Variants in ARHGEF4 observed in about 807,000 individuals in gnomAD.
The protein encoded by ARHGEF4 is Rho guanine nucleotide exchange factor 4.
A neutral mutation model predicts 162.0 loss-of-function variants in ARHGEF4; 119 were observed. The ratio of observed to expected loss-of-function variants is 0.73; its 90% CI spans 0.63 to 0.86. ARHGEF4 has a LOEUF of 0.86. ARHGEF4 is among the 40% of genes least tolerant of loss of function. The pLI, the probability that ARHGEF4 is intolerant of heterozygous loss-of-function variation, is 0.00. For missense variants in ARHGEF4, 2,488 were observed against 2,456.0 expected, an observed-to-expected ratio of 1.01 and a Z score of -0.28; for synonymous variants, 1,014 against 979.9, an observed-to-expected ratio of 1.03 and a Z score of -0.65.
chr2:130,965,149 C>T (rs1472288057), intron 4 of ARHGEF4, among the ~76,000 whole-genome samples: 2 of 152,152 alleles, frequency 1.3e-5, no homozygotes, highest in Non-Finnish European at 2.9e-5. Flanking sequence ...CAGGGCCTCA[C>T]GTAGGTGTGG....
chr2:130,933,214 CAAA>C (rs34411956), intron 3 of ARHGEF4, among the ~76,000 whole-genome samples: 225 of 136,596 alleles, frequency 1.6e-3, no homozygotes, highest in South Asian at 2.1e-3. Context: ...GACCCTGTCT[CAAA>C]AAAAAAAAAA....
intron 2 of ARHGEF4, among the ~76,000 whole-genome samples, chr2:130,930,707 G>A (rs571305332): frequency 2.0e-5 from 3 of 152,304 alleles, no homozygotes; most frequent in East Asian, 3.9e-4. Context: ...CAAAATAGAA[G>A]GCTAGATTTT....
At chr2:130,876,353 C>T (rs1462438251) in intron 1 of ARHGEF4, among the ~76,000 whole-genome samples, 2 of 152,170 alleles carry the variant, frequency 1.3e-5, no homozygotes, top group East Asian at 1.9e-4. Flanking sequence ...AGAACGCTTT[C>T]TGTGGGACTG....
chr2:131,027,897 C>G, intron 4 of ARHGEF4, 48 bp from the exon 5 acceptor site: 1 of 1,608,198 alleles, frequency 6.2e-7, no homozygotes, highest in Non-Finnish European at 8.5e-7. Context: ...CTCCCCTCAG[C>G]CCTTCCCAGC....
intron 4 of ARHGEF4, among the ~76,000 whole-genome samples, chr2:130,995,928 C>T (rs753062289): frequency 4.2e-4 from 61 of 144,290 alleles, no homozygotes; most frequent in African/African-American, 8.5e-4. Context: ...TTGCTGTGTT[C>T]GCCCAGGCTG....
At position 130,838,871 on chromosome 2, in the gene ARHGEF4, A is replaced by G. The variant is rs188258564; in HGVS notation, c.39+1879A>G. On this transcript the variant is annotated intron_variant, in intron 1 of 13. Transcript: ENST00000409359. ...GTGGAGTGTGGCTGGAGGAGAGACC[A>G]CTGGACATCTCTGGGCAGCCACCTT... Among the ~76,000 whole-genome samples the G allele has an allele frequency of 1.4e-4, 22 of 152,284 alleles. No homozygotes were observed. The East Asian group carries it at 2.5e-3, about 17-fold the overall frequency.
At chr2:130,978,289 A>C (rs1198224921) in intron 4 of ARHGEF4, among the ~76,000 whole-genome samples, 2 of 152,120 alleles carry the variant, frequency 1.3e-5, no homozygotes, top group African/African-American at 4.8e-5. Context: ...GCTCCATACC[A>C]TGGCTGACCA....
intron 4 of ARHGEF4, among the ~76,000 whole-genome samples, chr2:130,984,031 T>C (rs1248059038): frequency 6.6e-6 from 1 of 152,212 alleles, no homozygotes; most frequent in Non-Finnish European, 1.5e-5. Context: ...CATATAGATA[T>C]GCGTACACAC....
Position 130,956,965 on chromosome 2 carries a change from T to A in ARHGEF4, c.3985+10330T>A, listed in dbSNP as rs1227453167. 4.6e-5 allele frequency among the ~76,000 whole-genome samples: 7 copies of A among 151,670 alleles called. 1 individual carries two copies. Among genetic ancestry groups the A allele is most frequent in the Admixed American group, 2.6e-4 (4 of 15,214 alleles). On this transcript the variant is annotated intron_variant, in intron 4 of 13. Transcript: ENST00000409359. ...TACCCTAAAACTTAAAGTATAATTT[T>A]AAAAAAAGCCAATAAATAAATAAAT...
At chr2:130,844,148 G>A (rs1025876562) in intron 1 of ARHGEF4, among the ~76,000 whole-genome samples, 1 of 152,244 alleles carries the variant, frequency 6.6e-6, no homozygotes, top group Non-Finnish European at 1.5e-5. Flanking sequence ...CCCGCTGAGC[G>A]CAACTAGCTC....
intron 4 of ARHGEF4, among the ~76,000 whole-genome samples, chr2:131,010,867 G>A (rs72998309): frequency 0.012 from 1,818 of 152,310 alleles, 32 homozygotes; most frequent in African/African-American, 0.037. Flanking sequence ...ACATCTTAGC[G>A]TTGCAGAGGC....
chr2:130,969,508 AGAATGGCATGAATCCGG>A (rs907239821), intron 4 of ARHGEF4, among the ~76,000 whole-genome samples: 23 of 152,016 alleles, frequency 1.5e-4, no homozygotes, highest in African/African-American at 5.6e-4. Context: ...CTGAGGCAGG[AGAATGGCATGAATCCGG>A]GAGGTGGAGC....
At chr2:130,999,117 T>C (rs1487676071) in intron 4 of ARHGEF4, among the ~76,000 whole-genome samples, 3 of 152,174 alleles carry the variant, frequency 2.0e-5, no homozygotes, top group African/African-American at 4.8e-5. Flanking sequence ...GCTCATTTTT[T>C]AATTGAGTTG....
chr2:130,974,108 A>AT (rs1175231306), intron 4 of ARHGEF4, among the ~76,000 whole-genome samples: 1 of 138,978 alleles, frequency 7.2e-6, no homozygotes, highest in Non-Finnish European at 1.6e-5. Context: ...TGTCTCTACT[A>AT]AAAAAAAAAA....
chr2:131,038,038 G>T (rs917660876), intron 5 of ARHGEF4, among the ~76,000 whole-genome samples: 1 of 152,088 alleles, frequency 6.6e-6, no homozygotes, highest in African/African-American at 2.4e-5. Flanking sequence ...CATCTCTGGG[G>T]CTTGGGATGG....
At position 130,913,978 on chromosome 2, in the gene ARHGEF4, C is replaced by T; in HGVS notation, c.40-8C>T. On this transcript the variant is annotated splice_region_variant and splice_polypyrimidine_tract_variant and intron_variant, in intron 1 of 13. Coordinates refer to ENST00000409359, the MANE Select transcript of ARHGEF4 (RefSeq NM_001367493.1). ...TTGTCTCTGACTCCTCTCTTCTTGC[C>T]CTCCCAGACTCCAGAGCCAGGTGCA... The T allele has an allele frequency of 1.3e-6, 2 of 1,535,990 alleles. No individual in the cohort carries two copies. Among genetic ancestry groups the T allele is most frequent in the East Asian group, 2.4e-5 (1 of 40,894 alleles).
At chr2:130,919,199 T>G (rs1175994220) in intron 2 of ARHGEF4, among the ~76,000 whole-genome samples, 1 of 152,240 alleles carries the variant, frequency 6.6e-6, no homozygotes, top group African/African-American at 2.4e-5. Context: ...TTCTACTGAT[T>G]GGCATTGAGG....
chr2:130,916,773 G>A lies in ARHGEF4; in HGVS notation c.2827G>A (p.Glu943Lys). The change falls in exon 2 of 14, where the codon GAG becomes AAG. Residue 943 changes from glutamate to lysine, a missense_variant. Physicochemically the swap from Glu to Lys is moderately conservative, Grantham distance 56. Coordinates refer to ENST00000409359, the MANE Select transcript of ARHGEF4 (RefSeq NM_001367493.1). ...CCCAAGTTCTCCCAAGGGCGAGAAG[G>A]AGAAGAGCAGGCTGCGCCAGGGTTC... ...RSPSSPKGEK[E>K]KSRLRQGSWR... The A allele has an allele frequency of 6.4e-7, 1 of 1,550,610 alleles. No homozygotes were observed. The highest frequency in any genetic ancestry group is 8.7e-7 in the Non-Finnish European group (1 of 1,147,028).
At chr2:130,868,011 C>T (rs1406529944) in intron 1 of ARHGEF4, among the ~76,000 whole-genome samples, 4 of 150,312 alleles carry the variant, frequency 2.7e-5, no homozygotes, top group Admixed American at 6.6e-5. Context: ...CTGCAAGCTC[C>T]GCCTCCCAGA....
Sources: allele counts gnomAD v4.1 joint callset (sites outside exome capture counted in the v4.1 genomes callset), GRCh38; gene constraint gnomAD v4.1.1; transcripts MANE v1.5; gene names NCBI Gene and HGNC (gene_info 2026-07-23, HGNC 2026-07-21).